ZNF33B: variants seen among roughly 807,000 people sequenced by gnomAD.
The protein encoded by ZNF33B is zinc finger protein 11b (KOX 2).
ZNF33B carries 29 observed loss-of-function variants against 45.8 expected under a neutral mutation model. The observed-to-expected ratio is 0.63, with a 90% CI of 0.47 to 0.86. ZNF33B has a LOEUF of 0.86. Among genes scored for constraint, ZNF33B ranks in the 40% least tolerant of loss-of-function variants. The pLI, the probability that ZNF33B is intolerant of heterozygous loss-of-function variation, is 0.00. For missense variants in ZNF33B, 831 were observed against 909.9 expected, an observed-to-expected ratio of 0.91 and a Z score of 1.12; for synonymous variants, 305 against 307.8, an observed-to-expected ratio of 0.99 and a Z score of 0.10.
At chr10:42,634,532 T>A (rs1839202276) in intron 2 of ZNF33B, among the ~76,000 whole-genome samples, 1 of 152,206 alleles carries the variant, frequency 6.6e-6, no homozygotes, top group African/African-American at 2.4e-5. Context: ...AGCCAGGATT[T>A]GCTGAAGAAA....
chr10:42,576,755 G>C (rs1291359358), intron 1 of ZNF33B, among the ~76,000 whole-genome samples: 1 of 152,130 alleles, frequency 6.6e-6, no homozygotes, highest in Admixed American at 6.5e-5. Flanking sequence ...AAGAATGGTG[G>C]AAAACAAGAA....
At chr10:42,587,956 G>C (rs560613611), downstream of ZNF33B, among the ~76,000 whole-genome samples, 33 of 152,306 alleles carry the variant, frequency 2.2e-4, no homozygotes, top group South Asian at 6.0e-3. Context: ...TAGGCAACTG[G>C]AGTGCCACAC....
chr10:42,620,819 A>G (rs1199026433), intron 4 of ZNF33B, among the ~76,000 whole-genome samples: 1 of 152,168 alleles, frequency 6.6e-6, no homozygotes, highest in African/African-American at 2.4e-5. Context: ...AATAGCCACC[A>G]AAAGAGAACT....
At chr10:42,629,846 T>C (rs937449659) in intron 4 of ZNF33B, among the ~76,000 whole-genome samples, 2 of 152,222 alleles carry the variant, frequency 1.3e-5, no homozygotes, top group Non-Finnish European at 2.9e-5. Context: ...TTCTCAGTAG[T>C]TGTTCTAGGT....
chr10:42,584,295 G>A (rs1836885136), downstream of ZNF33B, among the ~76,000 whole-genome samples: 1 of 152,156 alleles, frequency 6.6e-6, no homozygotes, highest in Non-Finnish European at 1.5e-5. Flanking sequence ...TGGGAGTTCT[G>A]CCCTTCAAGG....
At position 42,592,433 on chromosome 10, in the gene ZNF33B, A is replaced by C. The variant is rs1280938551; in HGVS notation, c.*180T>G. On this transcript the variant is annotated 3_prime_UTR_variant, in exon 5 of 5. Coordinates refer to ENST00000359467, the MANE Select transcript of ZNF33B (RefSeq NM_006955.3). ...CAACAGAATATCACTTCCTAACAAA[A>C]GCCATCCTATAGTTGTTGTAGTCTA... 8 of 904,722 alleles carry C rather than the reference A, an allele frequency of 8.8e-6. No individual in the cohort carries two copies. Among genetic ancestry groups the C allele is most frequent in the Middle Eastern group, 2.3e-4 (1 of 4,364 alleles). 56.0% of individuals were successfully genotyped at this position (904,722 alleles called of 1,614,324 possible).
At chr10:42,616,973 C>A (rs1189981135) in intron 4 of ZNF33B, among the ~76,000 whole-genome samples, 1 of 151,550 alleles carries the variant, frequency 6.6e-6, no homozygotes, top group Non-Finnish European at 1.5e-5. Context: ...GGATTACAGG[C>A]ATGAACCAAC....
At chr10:42,634,258 T>A (rs1839187429) in intron 2 of ZNF33B, among the ~76,000 whole-genome samples, 2 of 151,760 alleles carry the variant, frequency 1.3e-5, no homozygotes, top group Admixed American at 6.6e-5. Context: ...TACAAAAAAA[T>A]TAGCCAGGCG....
At chr10:42,628,400 T>C (rs748764323) in intron 4 of ZNF33B, among the ~76,000 whole-genome samples, 2 of 152,302 alleles carry the variant, frequency 1.3e-5, no homozygotes, top group Non-Finnish European at 2.9e-5. Context: ...AGTAATCATA[T>C]GGCTAGTAAT....
At position 42,577,394 on chromosome 10, in the gene ZNF33B, C is replaced by T. The variant is rs192557391; in HGVS notation, c.74-2716G>A. 1.6e-3 allele frequency among the ~76,000 whole-genome samples: 238 copies of T among 152,318 alleles called. 3 individuals are homozygous for T. In the East Asian group the frequency reaches 0.033, roughly 21 times the overall value. On this transcript the variant is annotated intron_variant, in intron 1 of 1. Transcript: ENST00000462075. The stretch of plus-strand genomic sequence containing the variant: ...ATTTCCCATCTTGATTCTCCAGTCT[C>T]TCTTTCCTACCGTCTCCTTCTCCCC...
At chr10:42,579,461 T>C (rs1836794099) in intron 1 of ZNF33B, among the ~76,000 whole-genome samples, 1 of 152,236 alleles carries the variant, frequency 6.6e-6, no homozygotes, top group Admixed American at 6.5e-5. Flanking sequence ...TTGTGTGTAA[T>C]GTTATGAATG....
intron 4 of ZNF33B, among the ~76,000 whole-genome samples, chr10:42,601,978 T>G (rs1024194825): frequency 7.4e-6 from 1 of 134,312 alleles, no homozygotes; most frequent in Non-Finnish European, 1.5e-5. Context: ...AGTGCAGAGG[T>G]GCAATCTTGG....
intron 1 of ZNF33B, chr10:42,579,664 C>G (rs1198459818): frequency 1.3e-5 from 2 of 152,700 alleles, no homozygotes; most frequent in Admixed American, 6.5e-5. Flanking sequence ...TGTGAATCCA[C>G]AACAAATCCT....
At chr10:42,580,447 A>G (rs1836807340) in intron 1 of ZNF33B, among the ~76,000 whole-genome samples, 1 of 151,772 alleles carries the variant, frequency 6.6e-6, no homozygotes, top group Non-Finnish European at 1.5e-5. Context: ...CATGTTGGCC[A>G]GGCTGGTCTT....
Position 42,580,637 on chromosome 10 carries a change from G to A in ZNF33B, c.74-5959C>T, listed in dbSNP as rs565830831. Among the ~76,000 whole-genome samples the A allele has an allele frequency of 2.0e-5, 3 of 151,842 alleles. No homozygotes were observed. The South Asian group carries it at 6.2e-4, about 32-fold the overall frequency. On this transcript the variant is annotated intron_variant, in intron 1 of 1. Coordinates refer to the ZNF33B transcript ENST00000462075. ...TGGAAAAATGGATATAAAAATAAAAGTGTCTGGGAGCGGTGGCTCATGCCT... is the reference window on the plus strand; with the variant it reads ...TGGAAAAATGGATATAAAAATAAAAATGTCTGGGAGCGGTGGCTCATGCCT...
At chr10:42,630,488 A>G (rs1314562506) in intron 4 of ZNF33B, among the ~76,000 whole-genome samples, 3 of 152,182 alleles carry the variant, frequency 2.0e-5, no homozygotes, top group Non-Finnish European at 4.4e-5. Flanking sequence ...GCAGTTTTAT[A>G]TCTTTTGCTA....
At chr10:42,579,327 G>A (rs556444739) in intron 1 of ZNF33B, among the ~76,000 whole-genome samples, 10 of 152,178 alleles carry the variant, frequency 6.6e-5, no homozygotes, top group Non-Finnish European at 1.5e-4. Flanking sequence ...AGCATAGAGC[G>A]CAACAGGTAG....
chr10:42,598,115 TGCA>T (rs533620343), intron 4 of ZNF33B, among the ~76,000 whole-genome samples: 100 of 152,010 alleles, frequency 6.6e-4, no homozygotes, highest in African/African-American at 2.2e-3. Flanking sequence ...TTTGCAATGT[TGCA>T]GCAGTTCTTA....
chr10:42,574,880 G>C (rs1244497584), intron 1 of ZNF33B, among the ~76,000 whole-genome samples: 1 of 152,140 alleles, frequency 6.6e-6, no homozygotes, highest in African/African-American at 2.4e-5. Context: ...AATTGATTTA[G>C]ATTAGCAGTG....
Sources: gnomAD v4.1 joint callset for allele counts (sites outside exome capture counted in the v4.1 genomes callset) on GRCh38, gnomAD v4.1.1 for gene constraint, MANE v1.5 for transcripts, NCBI Gene and HGNC (gene_info 2026-07-23, HGNC 2026-07-21) for gene names.